Variants in ZC3H8 observed in about 807,000 individuals in gnomAD.
ZC3H8 encodes the protein zinc finger CCCH domain-containing protein 8.
ZC3H8 carries 27 observed loss-of-function variants against 42.5 expected under a neutral mutation model. The observed-to-expected ratio is 0.64, with a 90% confidence interval of 0.47 to 0.88. The LOEUF (loss-of-function observed/expected upper bound fraction) is 0.88, where lower values mean the gene tolerates loss of function less well. Ranked by LOEUF, ZC3H8 falls within the 40% of genes least tolerant of loss-of-function variation. The probability of loss-of-function intolerance (pLI) is 0.00; values close to 1 mark genes in which losing one functional copy is unlikely to be tolerated. For synonymous variants in ZC3H8, 101 were observed against 110.1 expected, an observed-to-expected ratio of 0.92 and a Z score of 0.52; for missense variants, 277 against 336.1, an observed-to-expected ratio of 0.82 and a Z score of 1.37.
intron 2 of ZC3H8, among the ~76,000 whole-genome samples, chr2:112,242,078 A>G (rs1433102385): frequency 6.6e-6 from 1 of 152,144 alleles, no homozygotes; most frequent in Non-Finnish European, 1.5e-5. Flanking sequence ...TTACCAACAC[A>G]TCAGCAGAGG....
intron 3 of ZC3H8, among the ~76,000 whole-genome samples, chr2:112,238,086 A>G (rs538666406): frequency 5.9e-5 from 9 of 152,202 alleles, no homozygotes; most frequent in African/African-American, 2.2e-4. Context: ...GCCTTTGATA[A>G]CCCACCTCCA....
chr2:112,254,758 G>T, intron 1 of ZC3H8, 150 bp downstream of exon 1: 1 of 882,776 alleles, frequency 1.1e-6, no homozygotes, highest in African/African-American at 1.7e-5. Context: ...CTATAGGTCA[G>T]ACGGTGGCGC....
Position 112,213,766 on chromosome 2 carries a change from A to T in ZC3H8, c.*2718T>A, listed in dbSNP as rs1684221940. ...ACTCCAGCCTGGGCGACAGAGCGAG[A>T]CTCCGTCTCAAAAAAAAAAAAAAAA... On this transcript the variant is annotated 3_prime_UTR_variant, in exon 9 of 9. Coordinates refer to ENST00000409573, the MANE Select transcript of ZC3H8 (RefSeq NM_032494.3). The T allele has an allele frequency of 1.2e-5, 1 of 83,410 alleles. No homozygotes were observed. 5.2% of individuals were successfully genotyped at this position (83,410 alleles called of 1,614,324 possible).
intron 5 of ZC3H8, 70 bp from the exon 6 acceptor site, chr2:112,233,441 C>T (rs1685177698): frequency 9.6e-7 from 1 of 1,042,282 alleles, no homozygotes. Flanking sequence ...TTAATTCCTA[C>T]TAAACTTTAA....
Position 112,240,745 on chromosome 2 carries a change from A to G in ZC3H8, c.157-2217T>C, listed in dbSNP as rs1685541464. ...TTTCAGAGGGCATTGAAATATATAA[A>G]ATACAAATAATTGAATACTTTTCTT... is the stretch of plus-strand genomic sequence containing the variant. On this transcript the variant is annotated intron_variant, in intron 2 of 8. Coordinates refer to ENST00000409573, the MANE Select transcript of ZC3H8 (RefSeq NM_032494.3). Among the ~76,000 whole-genome samples the G allele has an allele frequency of 2.0e-5, 3 of 152,232 alleles. 1 individual carries two copies. In the South Asian group the frequency reaches 6.2e-4, roughly 31 times the overall value.
chr2:112,245,003 G>A (rs1685707348), intron 2 of ZC3H8, among the ~76,000 whole-genome samples: 1 of 152,222 alleles, frequency 6.6e-6, no homozygotes, highest in Non-Finnish European at 1.5e-5. Context: ...GCTTAGTGAG[G>A]AAGGCATGTC....
rs564342041 is a variant in ZC3H8 at position 112,240,880 on chromosome 2, C to T, written c.157-2352G>A. 3.8e-4 allele frequency among the ~76,000 whole-genome samples: 58 copies of T among 151,562 alleles called. 1 individual carries two copies. In the South Asian group the frequency reaches 8.5e-3, roughly 22 times the overall value. On this transcript the variant is annotated intron_variant, in intron 2 of 8. Coordinates refer to ENST00000409573, the MANE Select transcript of ZC3H8 (RefSeq NM_032494.3). ...TCTCCTTTTGTAAGAGTCTAAATAA[C>T]TTTTTTTATTCAAGATGGTTTACTG...
At chr2:112,243,873 C>T (rs988142759) in intron 2 of ZC3H8, among the ~76,000 whole-genome samples, 10 of 151,134 alleles carry the variant, frequency 6.6e-5, no homozygotes, top group African/African-American at 1.9e-4. Flanking sequence ...AAAAAGAACT[C>T]GAAAATTTAA....
At chr2:112,233,925 G>A (rs1251557222) in intron 5 of ZC3H8, among the ~76,000 whole-genome samples, 195 bp downstream of exon 5, 1 of 152,010 alleles carries the variant, frequency 6.6e-6, no homozygotes, top group Non-Finnish European at 1.5e-5. Context: ...ATCCACCCAC[G>A]TCGGCCTCCC....
At chr2:112,228,112 A>G (rs1008019008) in intron 8 of ZC3H8, among the ~76,000 whole-genome samples, 1 of 152,244 alleles carries the variant, frequency 6.6e-6, no homozygotes, top group African/African-American at 2.4e-5. Flanking sequence ...TCAATGGAAC[A>G]CAACTAAGTA....
At chr2:112,217,096 C>T (rs1684359562) in intron 8 of ZC3H8, among the ~76,000 whole-genome samples, 2 of 152,096 alleles carry the variant, frequency 1.3e-5, no homozygotes, top group Admixed American at 6.6e-5. Context: ...AGACCAGGCG[C>T]GGTGGCTCAC....
rs1684286963 is a variant in ZC3H8 at position 112,215,507 on chromosome 2, A to G, written c.*977T>C. 1 of 152,088 alleles carries G rather than the reference A, an allele frequency of 6.6e-6. No individual in the cohort carries two copies. Among genetic ancestry groups the G allele is most frequent in the Non-Finnish European group, 1.5e-5 (1 of 68,014 alleles). 9.4% of individuals were successfully genotyped at this position (152,088 alleles called of 1,614,324 possible). On this transcript the variant is annotated 3_prime_UTR_variant, in exon 9 of 9. Coordinates refer to ENST00000409573, the MANE Select transcript of ZC3H8 (RefSeq NM_032494.3). Reference sequence around the variant, plus strand: ...AACAATGAAAATAACTTTGATTCCTATTTTCAAATAGGACTTTGCTAAGAA... The same window carrying G: ...AACAATGAAAATAACTTTGATTCCTGTTTTCAAATAGGACTTTGCTAAGAA...
chr2:112,222,891 T>C (rs935421203), intron 8 of ZC3H8, among the ~76,000 whole-genome samples: 3 of 152,232 alleles, frequency 2.0e-5, no homozygotes, highest in African/African-American at 7.2e-5. Flanking sequence ...GAACTTAACA[T>C]TACTTAATTG....
intron 4 of ZC3H8, 150 bp from the exon 5 acceptor site, chr2:112,234,386 C>T: frequency 3.4e-6 from 2 of 589,754 alleles, no homozygotes; most frequent in Non-Finnish European, 5.8e-6. Flanking sequence ...TTTCTGTACA[C>T]CAGGTTAAAA....
chr2:112,230,438 C>A (rs1365998959), intron 8 of ZC3H8, among the ~76,000 whole-genome samples: 1 of 151,852 alleles, frequency 6.6e-6, no homozygotes, highest in Non-Finnish European at 1.5e-5. Flanking sequence ...TTGAAAATAA[C>A]CTAAATATTC....
rs1685211587 is a variant in ZC3H8, at chr2:112,234,046, T to C, written c.621+74A>G. The C allele has an allele frequency of 4.7e-6, 4 of 844,214 alleles. No individual in the cohort carries two copies. In the South Asian group the frequency reaches 7.9e-5, roughly 17 times the overall value. 52.3% of individuals were successfully genotyped at this position (844,214 alleles called of 1,614,324 possible). On this transcript the variant is annotated intron_variant, in intron 5 of 8. Transcript: ENST00000409573. ...TGAAACAGCTTTAAAAACCTAAAGG[T>C]ATGAATTAAAAGAGTATCAAACAGA...
chr2:112,232,093 T>G (rs1038894467), intron 6 of ZC3H8, 146 bp from the exon 7 acceptor site: 1 of 423,590 alleles, frequency 2.4e-6, no homozygotes, highest in Admixed American at 4.2e-5. Context: ...GCAGATCACT[T>G]GAGGCCAGGA....
At chr2:112,248,084 G>A (rs998375963) in intron 2 of ZC3H8, among the ~76,000 whole-genome samples, 7 of 152,214 alleles carry the variant, frequency 4.6e-5, no homozygotes, top group African/African-American at 1.4e-4. Context: ...CTAGCACTTC[G>A]GGAGGCCGAG....
intron 2 of ZC3H8, among the ~76,000 whole-genome samples, chr2:112,248,864 G>C (rs1485988900): frequency 6.6e-6 from 1 of 152,074 alleles, no homozygotes; most frequent in Non-Finnish European, 1.5e-5. Context: ...TAGGTCATTA[G>C]GGTGGGCCCT....
Sources: gnomAD v4.1 joint callset for allele counts (sites outside exome capture counted in the v4.1 genomes callset) on GRCh38, gnomAD v4.1.1 for gene constraint, MANE v1.5 for transcripts, NCBI Gene and HGNC (gene_info 2026-07-23, HGNC 2026-07-21) for gene names.